ENOX1: variants seen among roughly 807,000 people sequenced by gnomAD.
ENOX1 encodes the protein candidate growth-related and time keeping constitutive hydroquinone (NADH) oxidase.
In ENOX1, 42 loss-of-function variants were observed where a neutral mutation model predicts 82.5. That is an observed-to-expected ratio of 0.51 (90% CI 0.40 to 0.66). The LOEUF is 0.66. Ranked by LOEUF, ENOX1 falls within the 30% of genes least tolerant of loss-of-function variation. ENOX1 has a pLI of 0.00. For missense variants in ENOX1, 608 were observed against 811.6 expected (o/e 0.75, Z 3.05); for synonymous variants, 271 against 282.2 (o/e 0.96, Z 0.40).
intron 5 of ENOX1, among the ~76,000 whole-genome samples, chr13:43,382,969 A>G (rs61950493): frequency 1.6e-4 from 25 of 152,306 alleles, no homozygotes; most frequent in Non-Finnish European, 3.1e-4. Flanking sequence ...GCATATATAA[A>G]GCTTTTTAGT....
At chr13:43,697,024 C>G (rs1310451044) in intron 1 of ENOX1, among the ~76,000 whole-genome samples, 10 of 152,060 alleles carry the variant, frequency 6.6e-5, no homozygotes, top group Non-Finnish European at 8.8e-5. Context: ...AAACAATTAA[C>G]ATTGAATATG....
intron 5 of ENOX1, among the ~76,000 whole-genome samples, chr13:43,381,642 G>T (rs1252345219): frequency 5.9e-5 from 9 of 151,742 alleles, no homozygotes; most frequent in Admixed American, 1.3e-4. Context: ...CCAGCCTTAG[G>T]CAGGAAAGCA....
chr13:43,320,894 A>G (rs894966795), intron 11 of ENOX1, among the ~76,000 whole-genome samples: 1 of 152,202 alleles, frequency 6.6e-6, no homozygotes, highest in Non-Finnish European at 1.5e-5. Context: ...TTCTTTTGCT[A>G]TGTGAAGGTT....
chr13:43,555,848 C>T (rs1294269009), intron 2 of ENOX1, among the ~76,000 whole-genome samples: 2 of 152,138 alleles, frequency 1.3e-5, no homozygotes, highest in African/African-American at 4.8e-5. Context: ...ATTCATAATT[C>T]GCAAGTTGTA....
chr13:43,221,165 T>G (rs1352561608), intron 16 of ENOX1, among the ~76,000 whole-genome samples: 2 of 152,166 alleles, frequency 1.3e-5, no homozygotes, highest in African/African-American at 2.4e-5. Context: ...CAGAACCAAA[T>G]CTTCCACACC....
At chr13:43,356,909 C>T (rs1253585715) in intron 7 of ENOX1, among the ~76,000 whole-genome samples, 5 of 152,150 alleles carry the variant, frequency 3.3e-5, no homozygotes, top group East Asian at 1.9e-4. Flanking sequence ...ACAGCAGCCC[C>T]GTGCAAGAGC....
chr13:43,415,238 T>TG (rs1485497911), intron 3 of ENOX1, among the ~76,000 whole-genome samples: 1 of 135,016 alleles, frequency 7.4e-6, no homozygotes, highest in Non-Finnish European at 1.5e-5. Flanking sequence ...CAATGTTTTT[T>TG]TTTTTTTTTT....
chr13:43,322,557 A>T, intron 10 of ENOX1, 56 bp from the exon 11 acceptor site: 1 of 1,442,392 alleles, frequency 6.9e-7, no homozygotes, highest in Non-Finnish European at 9.7e-7. Context: ...GCTTTCCCCA[A>T]TGGTCTTTGG....
chr13:43,283,039 C>T (rs1256686567), intron 12 of ENOX1, among the ~76,000 whole-genome samples: 4 of 151,842 alleles, frequency 2.6e-5, no homozygotes, highest in Admixed American at 6.6e-5. Context: ...GCCGAGATCA[C>T]GCCACTGCAT....
intron 2 of ENOX1, among the ~76,000 whole-genome samples, chr13:43,583,818 C>T (rs1327640157): frequency 7.9e-6 from 1 of 127,082 alleles, no homozygotes. Flanking sequence ...CAGATATAAA[C>T]TTTTCTTTTT....
intron 3 of ENOX1, among the ~76,000 whole-genome samples, chr13:43,481,148 A>T (rs7998672): frequency 0.019 from 2,844 of 152,198 alleles, 99 homozygotes; most frequent in African/African-American, 0.064. Context: ...CAACAGCAGT[A>T]TGCAGTATGC....
intron 11 of ENOX1, 141 bp from the exon 12 acceptor site, chr13:43,298,671 G>T: frequency 1.5e-6 from 1 of 652,526 alleles, no homozygotes; most frequent in Non-Finnish European, 2.5e-6. Context: ...CACTCCCTGG[G>T]CCTCTCTTTT....
intron 1 of ENOX1, among the ~76,000 whole-genome samples, chr13:43,704,043 A>G (rs2087084500): frequency 6.6e-6 from 1 of 152,110 alleles, no homozygotes; most frequent in Admixed American, 6.5e-5. Flanking sequence ...TGATAGAATT[A>G]TGGATAACAA....
intron 2 of ENOX1, among the ~76,000 whole-genome samples, chr13:43,525,888 A>G (rs1259618800): frequency 1.3e-5 from 2 of 152,128 alleles, no homozygotes; most frequent in Non-Finnish European, 1.5e-5. Flanking sequence ...TTAACCCCTT[A>G]TCAAATATAT....
chr13:43,397,916 A>G (rs1424429706), intron 5 of ENOX1, among the ~76,000 whole-genome samples: 1 of 152,224 alleles, frequency 6.6e-6, no homozygotes, highest in Non-Finnish European at 1.5e-5. Context: ...TCCAAGACCA[A>G]GGCACTTGGA....
chr13:43,616,559 C>T (rs906956749), intron 2 of ENOX1, among the ~76,000 whole-genome samples: 3 of 151,966 alleles, frequency 2.0e-5, no homozygotes, highest in Admixed American at 6.6e-5. Flanking sequence ...AATTATATCA[C>T]TATCATTCAA....
intron 2 of ENOX1, among the ~76,000 whole-genome samples, chr13:43,659,162 C>G (rs1336263242): frequency 6.6e-6 from 1 of 152,050 alleles, no homozygotes; most frequent in Non-Finnish European, 1.5e-5. Context: ...CATGCCTTAT[C>G]TGTCTGGAGA....
chr13:43,644,597 C>T (rs1180849797), intron 2 of ENOX1, among the ~76,000 whole-genome samples: 4 of 152,210 alleles, frequency 2.6e-5, no homozygotes, highest in African/African-American at 7.2e-5. Context: ...CCTGCACTGA[C>T]TTCAATATTC....
chr13:43,454,584 AC>A (rs1266603480), intron 3 of ENOX1, among the ~76,000 whole-genome samples: 2 of 152,168 alleles, frequency 1.3e-5, no homozygotes, highest in Non-Finnish European at 2.9e-5. Flanking sequence ...ATACTATCAC[AC>A]GCTCCCAAGT....
Sources: gnomAD v4.1 joint callset for allele counts (sites outside exome capture counted in the v4.1 genomes callset) on GRCh38, gnomAD v4.1.1 for gene constraint, MANE v1.5 for transcripts, NCBI Gene and HGNC (gene_info 2026-07-23, HGNC 2026-07-21) for gene names.